Variants in SOHLH2 observed in about 807,000 individuals in gnomAD.
The protein encoded by SOHLH2 is spermatogenesis- and oogenesis-specific basic helix-loop-helix-containing protein 2.
In SOHLH2, 22 loss-of-function variants were observed where a neutral mutation model predicts 50.4. The ratio of observed to expected loss-of-function variants is 0.44; its 90% confidence interval spans 0.31 to 0.62. The LOEUF is 0.62. Among genes scored for constraint, SOHLH2 ranks in the 20% least tolerant of loss-of-function variants. The pLI is 0.08. For missense variants in SOHLH2, 412 were observed against 504.4 expected, an observed-to-expected ratio of 0.82 and a Z score of 1.76; for synonymous variants, 185 against 187.3, an observed-to-expected ratio of 0.99 and a Z score of 0.10.
chr13:36,202,764 T>C (rs1355226521), intron 1 of SOHLH2, among the ~76,000 whole-genome samples: 1 of 152,100 alleles, frequency 6.6e-6, no homozygotes, highest in Non-Finnish European at 1.5e-5. Context: ...CTTAAATTAA[T>C]GGAAATAGAA....
At position 36,168,752 on chromosome 13, in the gene SOHLH2, A is replaced by C. The variant is rs752336738; in HGVS notation, c.*282T>G. 4.7e-6 allele frequency: 2 copies of C among 422,596 alleles called. No homozygotes were observed. Among genetic ancestry groups the C allele is most frequent in the Non-Finnish European group, 8.3e-6 (2 of 240,580 alleles). The allele number at this position is 422,596 out of a possible 1,614,324, so 26.2% of individuals were successfully genotyped here. On this transcript the variant is annotated 3_prime_UTR_variant, in exon 11 of 11. Transcript: ENST00000379881. ...TAAATTGTGGAATATTTTTTGAGAA[A>C]AGAGAGTGTAGGTCACTGAGGCCAT...
intron 9 of SOHLH2, among the ~76,000 whole-genome samples, chr13:36,171,561 C>T (rs1886961761): frequency 6.6e-6 from 1 of 152,144 alleles, no homozygotes; most frequent in Non-Finnish European, 1.5e-5. Flanking sequence ...TGGCAACATG[C>T]ATTAAGAGCC....
intron 1 of SOHLH2, among the ~76,000 whole-genome samples, chr13:36,210,205 T>A (rs1371818445): frequency 6.6e-6 from 1 of 152,250 alleles, no homozygotes; most frequent in Admixed American, 6.5e-5. Flanking sequence ...GTCCACAGGG[T>A]AAATCCAGGG....
intron 9 of SOHLH2, among the ~76,000 whole-genome samples, chr13:36,172,311 C>T (rs1335636562): frequency 1.3e-5 from 2 of 152,222 alleles, no homozygotes; most frequent in Non-Finnish European, 2.9e-5. Flanking sequence ...CTGATTTAAT[C>T]TAAGCTGATT....
chr13:36,212,341 C>T (rs1869175953), intron 1 of SOHLH2, among the ~76,000 whole-genome samples: 1 of 152,198 alleles, frequency 6.6e-6, no homozygotes, highest in Admixed American at 6.5e-5. Flanking sequence ...CCATAGCACA[C>T]TTGGAATGTT....
intron 1 of SOHLH2, 58 bp from the exon 2 acceptor site, chr13:36,202,151 T>C (rs937750665): frequency 2.5e-6 from 4 of 1,592,636 alleles, no homozygotes; most frequent in Non-Finnish European, 3.4e-6. Context: ...AGGGAAAATG[T>C]CATGTATGAG....
At position 36,173,672 on chromosome 13, in the gene SOHLH2, A is replaced by G. The variant is rs781043203; in HGVS notation, c.1000+20T>C. On this transcript the variant is annotated intron_variant, in intron 9 of 10. Transcript: ENST00000379881. ...GGGCAGGTCCCCCTCTAAGTGGCAC[A>G]GATGCTAGGAGAAGCTCACCTCTCA... 3 of 1,612,280 alleles carry G rather than the reference A, an allele frequency of 1.9e-6. No homozygotes were observed. In the South Asian group the frequency reaches 3.3e-5, roughly 18 times the overall value.
chr13:36,195,034 G>A (rs1887681293), intron 2 of SOHLH2, among the ~76,000 whole-genome samples: 1 of 152,078 alleles, frequency 6.6e-6, no homozygotes, highest in Non-Finnish European at 1.5e-5. Context: ...TAGGCTCTGG[G>A]GGATATCATG....
chr13:36,191,375 G>A (rs777725243), intron 5 of SOHLH2, among the ~76,000 whole-genome samples: 2 of 152,164 alleles, frequency 1.3e-5, no homozygotes, highest in African/African-American at 4.8e-5. Flanking sequence ...TCATGAGTTC[G>A]AGAAAGACAA....
chr13:36,185,942 T>C (rs1237619178), intron 6 of SOHLH2, among the ~76,000 whole-genome samples: 2 of 152,200 alleles, frequency 1.3e-5, no homozygotes, highest in African/African-American at 4.8e-5. Context: ...AAACATAACA[T>C]TTCTACACAA....
chr13:36,174,606 T>A (rs746576559), intron 7 of SOHLH2, 39 bp from the exon 8 acceptor site: 137 of 1,611,310 alleles, frequency 8.5e-5, no homozygotes, highest in Non-Finnish European at 1.2e-4. Flanking sequence ...GATACCGACA[T>A]TTTTACATAG....
intron 2 of SOHLH2, among the ~76,000 whole-genome samples, chr13:36,197,907 TTAG>T (rs1221289821): frequency 6.6e-6 from 1 of 152,214 alleles, no homozygotes; most frequent in Non-Finnish European, 1.5e-5. Flanking sequence ...GACAAAGGTT[TTAG>T]TAAAGCTACT....
intron 6 of SOHLH2, among the ~76,000 whole-genome samples, chr13:36,178,795 T>C (rs1229047058): frequency 1.3e-5 from 2 of 151,896 alleles, no homozygotes; most frequent in Non-Finnish European, 2.9e-5. Context: ...AGTAACATTT[T>C]GAATGATCAA....
intron 2 of SOHLH2, among the ~76,000 whole-genome samples, chr13:36,196,097 AAGAT>A (rs35207535): frequency 0.25 from 36,130 of 145,454 alleles, 4,514 homozygotes; most frequent in Middle Eastern, 0.27. Flanking sequence ...GACAGACAGA[AAGAT>A]AGATAGATAG....
At chr13:36,173,627 G>T (rs772734172) in intron 9 of SOHLH2, 65 bp downstream of exon 9, 3 of 1,589,854 alleles carry the variant, frequency 1.9e-6, no homozygotes, top group South Asian at 2.2e-5. Flanking sequence ...ATGCACAGGA[G>T]CCTGGGGGTT....
Position 36,173,677 on chromosome 13 carries a change from C to T in SOHLH2, c.1000+15G>A, listed in dbSNP as rs774451524. On this transcript the variant is annotated intron_variant, in intron 9 of 10. Coordinates refer to ENST00000379881, the MANE Select transcript of SOHLH2 (RefSeq NM_017826.3). ...GGTCCCCCTCTAAGTGGCACAGATG[C>T]TAGGAGAAGCTCACCTCTCACAGCT... 2.5e-6 allele frequency: 4 copies of T among 1,612,394 alleles called. No homozygotes were observed. The highest frequency in any genetic ancestry group is 1.1e-5 in the South Asian group (1 of 91,004).
intron 6 of SOHLH2, among the ~76,000 whole-genome samples, chr13:36,178,777 C>G (rs951307785): frequency 1.4e-5 from 2 of 147,752 alleles, no homozygotes; most frequent in Admixed American, 6.7e-5. Context: ...TTTTATTTAA[C>G]TTTTCATAGT....
Position 36,174,081 on chromosome 13 carries a change from A to G in SOHLH2, c.882-271T>C, listed in dbSNP as rs61484833. Among the ~76,000 whole-genome samples the G allele has an allele frequency of 3.0e-3, 459 of 152,320 alleles. 2 individuals are homozygous for G. Among genetic ancestry groups the G allele is most frequent in the African/African-American group, 0.011 (440 of 41,578 alleles). ...ATTTGGGAAGTCACATTTTGCACTA[A>G]TGACCTGCTTTAAGCACCACTAATT... On this transcript the variant is annotated intron_variant, in intron 8 of 10. Coordinates refer to ENST00000379881, the MANE Select transcript of SOHLH2 (RefSeq NM_017826.3).
At chr13:36,199,670 T>C (rs989567735) in intron 2 of SOHLH2, among the ~76,000 whole-genome samples, 2 of 152,266 alleles carry the variant, frequency 1.3e-5, no homozygotes, top group African/African-American at 2.4e-5. Flanking sequence ...TTAAGCTATG[T>C]TACTCAGGGC....
Sources: allele counts gnomAD v4.1 joint callset (sites outside exome capture counted in the v4.1 genomes callset), GRCh38; gene constraint gnomAD v4.1.1; transcripts MANE v1.5; gene names NCBI Gene and HGNC (gene_info 2026-07-23, HGNC 2026-07-21).